Variants in ADGRL2 observed in about 807,000 individuals in gnomAD.
ADGRL2 encodes the protein calcium-independent alpha-latrotoxin receptor 2.
ADGRL2 carries 44 observed loss-of-function variants against 157.4 expected under a neutral mutation model. The ratio of observed to expected loss-of-function variants is 0.28; its 90% confidence interval spans 0.22 to 0.36. The LOEUF is 0.36. ADGRL2 is among the 10% of genes least tolerant of loss of function. The pLI, the probability that ADGRL2 is intolerant of heterozygous loss-of-function variation, is 1.00. For synonymous variants in ADGRL2, 585 were observed against 624.7 expected (o/e 0.94, Z 0.95); for missense variants, 1,510 against 1,768.9 (o/e 0.85, Z 2.63).
intron 1 of ADGRL2, among the ~76,000 whole-genome samples, chr1:81,372,192 G>A (rs2076171879): frequency 6.6e-6 from 1 of 152,086 alleles, no homozygotes. Flanking sequence ...TTTTTAAAAT[G>A]GGAAACTATT....
intron 1 of ADGRL2, among the ~76,000 whole-genome samples, chr1:81,332,151 A>G (rs1468023007): frequency 6.6e-6 from 1 of 152,188 alleles, no homozygotes; most frequent in Non-Finnish European, 1.5e-5. Context: ...AAGAAAAAAA[A>G]CATTTTTTGT....
At chr1:81,868,048 CTG>C (rs142166326) in intron 2 of ADGRL2, among the ~76,000 whole-genome samples, 6 of 129,044 alleles carry the variant, frequency 4.6e-5, no homozygotes, top group African/African-American at 1.8e-4. Context: ...TTGGGCAAGG[CTG>C]TGTGTGTGTG....
At chr1:81,632,799 G>C (rs1001626617) in intron 3 of ADGRL2, among the ~76,000 whole-genome samples, 4 of 151,814 alleles carry the variant, frequency 2.6e-5, no homozygotes, top group Non-Finnish European at 5.9e-5. Flanking sequence ...AGGGAGCAAA[G>C]GGGCTATGTT....
intron 3 of ADGRL2, among the ~76,000 whole-genome samples, chr1:81,638,691 T>C (rs934781277): frequency 3.3e-5 from 5 of 152,090 alleles, no homozygotes; most frequent in Admixed American, 1.3e-4. Context: ...ATAACTGATA[T>C]GCTGATAAAG....
At chr1:81,506,918 C>T (rs1217597495) in intron 2 of ADGRL2, among the ~76,000 whole-genome samples, 1 of 152,168 alleles carries the variant, frequency 6.6e-6, no homozygotes, top group African/African-American at 2.4e-5. Context: ...TACAGAGGGC[C>T]TCCTCCAGGC....
At chr1:81,343,631 G>A (rs1662250841) in intron 1 of ADGRL2, among the ~76,000 whole-genome samples, 1 of 152,082 alleles carries the variant, frequency 6.6e-6, no homozygotes, top group Non-Finnish European at 1.5e-5. Flanking sequence ...TTTTTGGTGA[G>A]GTTCCCTTCC....
intron 1 of ADGRL2, chr1:81,427,320 G>A (rs1163477588): frequency 5.2e-5 from 38 of 725,004 alleles, no homozygotes; most frequent in South Asian, 1.2e-4. Flanking sequence ...TATGACAGTC[G>A]TCCTGGTTAT....
chr1:81,724,158 G>A (rs1017272510), intron 1 of ADGRL2, among the ~76,000 whole-genome samples: 9 of 152,002 alleles, frequency 5.9e-5, no homozygotes, highest in African/African-American at 2.2e-4. Flanking sequence ...GTAATGGTAG[G>A]GTAATACCCA....
chr1:81,968,335 A>G, intron 14 of ADGRL2, 136 bp downstream of exon 14: 1 of 720,598 alleles, frequency 1.4e-6, no homozygotes, highest in East Asian at 2.8e-5. Flanking sequence ...AATTGTTTCT[A>G]CACTGTCCAT....
At position 81,704,916 on chromosome 1, in the gene ADGRL2, G is replaced by A. The variant is rs79150969; in HGVS notation, c.-143+5108G>A. On this transcript the variant is annotated intron_variant, in intron 1 of 20. Coordinates refer to the ADGRL2 transcript ENST00000359929. Reference sequence around the variant, plus strand: ...CATAGGGGTACTGAAGAGAGGAAACGAGGATGATGGCAGAAAAAGACACTT... The same window carrying A: ...CATAGGGGTACTGAAGAGAGGAAACAAGGATGATGGCAGAAAAAGACACTT... Among the ~76,000 whole-genome samples, 693 of 152,320 alleles carry A rather than the reference G, an allele frequency of 4.5e-3. 7 individuals are homozygous for A. The highest frequency in any genetic ancestry group is 0.016 in the African/African-American group (651 of 41,574).
At position 81,985,265 on chromosome 1, in the gene ADGRL2, A is replaced by G; in HGVS notation, c.3418A>G (p.Ile1140Val). The change falls in exon 21 of 24, where the codon ATA (isoleucine) becomes GTA (valine). Residue 1140 changes from isoleucine to valine, a missense_variant. By Grantham distance (29) the Ile-to-Val change is conservative. This residue lies in a region of ADGRL2 where 497 missense variants were observed against 627.2 expected (regional missense o/e 0.79). Coordinates refer to ENST00000686636, the MANE Select transcript of ADGRL2 (RefSeq NM_001366006.2). The part of the protein sequence containing the change: ...ARYSSGTQSR[I>V]RRMWNDTVRK... ...TGCTGTTTTGTATTAATAGAGTCGT[A>G]TAAGAAGAATGTGGAATGATACTGT... is the stretch of plus-strand genomic sequence containing the variant. 1 of 1,577,270 alleles carries G rather than the reference A, an allele frequency of 6.3e-7. No homozygotes were observed.
At chr1:81,559,561 G>A (rs575178241) in intron 2 of ADGRL2, among the ~76,000 whole-genome samples, 2 of 151,850 alleles carry the variant, frequency 1.3e-5, no homozygotes, top group African/African-American at 4.8e-5. Flanking sequence ...CTAAATAATG[G>A]CAGGAATATT....
chr1:81,980,285 T>C (rs1661287075), intron 18 of ADGRL2, among the ~76,000 whole-genome samples: 1 of 151,800 alleles, frequency 6.6e-6, no homozygotes, highest in Non-Finnish European at 1.5e-5. Flanking sequence ...ATTAAGTTTG[T>C]TTTGTTAAAT....
intron 2 of ADGRL2, among the ~76,000 whole-genome samples, chr1:81,902,994 C>T (rs1030264704): frequency 2.6e-5 from 4 of 152,230 alleles, no homozygotes; most frequent in Non-Finnish European, 5.9e-5. Context: ...TATTAATTAT[C>T]GATCACTTGA....
intron 3 of ADGRL2, among the ~76,000 whole-genome samples, chr1:81,908,963 C>G (rs2094646914): frequency 6.6e-6 from 1 of 150,520 alleles, no homozygotes; most frequent in South Asian, 2.1e-4. Flanking sequence ...CAGTCTTTGT[C>G]TCCTGGGTTC....
intron 2 of ADGRL2, among the ~76,000 whole-genome samples, chr1:81,539,926 C>G (rs1437077749): frequency 6.6e-6 from 1 of 151,732 alleles, no homozygotes; most frequent in African/African-American, 2.4e-5. Context: ...TTTTGAGATT[C>G]TAAAACTAAA....
chr1:81,851,734 T>TTGTG (rs5775643), intron 2 of ADGRL2, among the ~76,000 whole-genome samples: 45,010 of 146,164 alleles, frequency 0.31, 7,164 homozygotes, highest in Middle Eastern at 0.49. Context: ...CCACTTAAAT[T>TTGTG]TGTGTGTGTG....
chr1:81,943,474 G>A lies in ADGRL2; in HGVS notation c.915G>A (p.Thr305=), dbSNP rs1026759619. The A allele has an allele frequency of 6.8e-6, 11 of 1,613,630 alleles. No individual in the cohort carries two copies. Among genetic ancestry groups the A allele is most frequent in the African/African-American group, 1.3e-5 (1 of 74,890 alleles). Residue 305 remains threonine (T), a synonymous_variant, in exon 6 of 24, where the codon ACG becomes ACA. Coordinates refer to ENST00000686636, the MANE Select transcript of ADGRL2 (RefSeq NM_001366006.2). The surrounding 1 kb of genome is among the most constrained non-coding windows in gnomAD (Gnocchi z 5.6). ...LNPYTLRFEA[T]WETVYDKRAA... ...CATACACTCTTCGATTTGAAGCAACGTGGGAGACTGTATACGACAAACGTG... is the reference window on the plus strand; with the variant it reads ...CATACACTCTTCGATTTGAAGCAACATGGGAGACTGTATACGACAAACGTG...
intron 1 of ADGRL2, among the ~76,000 whole-genome samples, chr1:81,343,578 G>T (rs1287829751): frequency 6.6e-6 from 1 of 152,120 alleles, no homozygotes; most frequent in Non-Finnish European, 1.5e-5. Context: ...TCTGATAGTG[G>T]GGTAGGCTGG....
Sources: gnomAD v4.1 joint callset for allele counts (sites outside exome capture counted in the v4.1 genomes callset) on GRCh38, gnomAD v4.1.1 for gene constraint, gnomAD v4.1.1 regional missense constraint, Gnocchi (gnomAD v3.1) non-coding constraint, MANE v1.5 for transcripts, NCBI Gene and HGNC (gene_info 2026-07-23, HGNC 2026-07-21) for gene names.